The following ATP8A2 variants were observed in gnomAD, a reference collection of about 807,000 sequenced individuals.
ATP8A2 encodes phospholipid-transporting ATPase IB.
Under a neutral mutation model 165.6 loss-of-function variants are expected in ATP8A2, and 100 were observed. That is an observed-to-expected ratio of 0.60 (90% CI 0.51 to 0.71). The LOEUF (loss-of-function observed/expected upper bound fraction) is 0.71. ATP8A2 is among the 30% of genes least tolerant of loss of function. ATP8A2 has a pLI of 0.00. For missense variants in ATP8A2, 1,227 were observed against 1,479.5 expected, an observed-to-expected ratio of 0.83 and a Z score of 2.80; for synonymous variants, 543 against 548.8, an observed-to-expected ratio of 0.99 and a Z score of 0.15.
intron 25 of ATP8A2, among the ~76,000 whole-genome samples, chr13:25,703,214 G>T (rs2042987019): frequency 6.6e-6 from 1 of 152,024 alleles, no homozygotes; most frequent in South Asian, 2.1e-4. Context: ...CAAATAGCTG[G>T]GACTACAGGC....
intron 25 of ATP8A2, among the ~76,000 whole-genome samples, chr13:25,736,348 C>A (rs1411331620): frequency 6.6e-6 from 1 of 152,150 alleles, no homozygotes; most frequent in African/African-American, 2.4e-5. Context: ...TACTTTGTCA[C>A]AAATTTATGT....
intron 24 of ATP8A2, among the ~76,000 whole-genome samples, chr13:25,696,285 A>T (rs980055415): frequency 4.0e-5 from 6 of 151,896 alleles, no homozygotes; most frequent in Non-Finnish European, 7.4e-5. Context: ...TTTAGCATAA[A>T]TTTTCAGAAC....
intron 1 of ATP8A2, among the ~76,000 whole-genome samples, chr13:25,390,709 C>T (rs1218516707): frequency 6.6e-6 from 1 of 152,122 alleles, no homozygotes; most frequent in African/African-American, 2.4e-5. Context: ...CTGGGTGGAT[C>T]ATTTGAGGTC....
intron 25 of ATP8A2, among the ~76,000 whole-genome samples, chr13:25,735,540 C>T (rs1019994286): frequency 2.0e-5 from 3 of 151,370 alleles, no homozygotes; most frequent in African/African-American, 7.3e-5. Context: ...GGATTATAGG[C>T]GTGAACCTCC....
chr13:25,958,427 G>A (rs979152147), intron 33 of ATP8A2, among the ~76,000 whole-genome samples: 11 of 152,284 alleles, frequency 7.2e-5, no homozygotes, highest in African/African-American at 2.6e-4. Flanking sequence ...TGATCCGCAG[G>A]TGCATGGGTG....
In ATP8A2 at chr13:25,828,148, G is replaced by A; in HGVS notation, c.2710G>A (p.Gly904Arg). The change falls in exon 28 of 37, where the codon GGG (glycine) becomes AGG (arginine). Residue 904 changes from glycine to arginine, a missense_variant. Around this residue, in one of 5 missense-constraint regions of ATP8A2, gnomAD observed 592 missense variants for 785.6 expected, o/e 0.75. Transcript: ENST00000381655. ...LWFAFVNGFS[G>R]QILFERWCIG... is the part of the protein sequence containing the mutation. ...GTTCGCCTTTGTTAATGGATTTTCT[G>A]GGCAGATTTTATTTGAACGTTGGTG... The A allele has an allele frequency of 1.2e-6, 2 of 1,614,060 alleles. No homozygotes were observed. Among genetic ancestry groups the A allele is most frequent in the Non-Finnish European group, 1.7e-6 (2 of 1,179,940 alleles).
chr13:25,872,927 A>C (rs1952716183), intron 33 of ATP8A2, among the ~76,000 whole-genome samples: 1 of 152,068 alleles, frequency 6.6e-6, no homozygotes, highest in Non-Finnish European at 1.5e-5. Flanking sequence ...AAATCTCTGA[A>C]GTCCAGTGTG....
chr13:25,861,047 C>T (rs184650673), intron 32 of ATP8A2, among the ~76,000 whole-genome samples, 187 bp downstream of exon 32: 140 of 152,240 alleles, frequency 9.2e-4, no homozygotes, highest in African/African-American at 3.2e-3. Flanking sequence ...GATTCATTTG[C>T]TTGGCACGTA....
At position 25,629,942 on chromosome 13, in the gene ATP8A2, G is replaced by A. The variant is rs929619651; in HGVS notation, c.2211+40243G>A. On this transcript the variant is annotated intron_variant, in intron 24 of 36. Transcript: ENST00000381655. ...AGCCACAGTTTAATTTTATGGCAAA[G>A]TCAACGACTTTAGAGTTGCTGAAGT... Among the ~76,000 whole-genome samples, 11 of 152,212 alleles carry A rather than the reference G, an allele frequency of 7.2e-5. 1 individual carries two copies. The highest frequency in any genetic ancestry group is 5.2e-4 in the Admixed American group (8 of 15,280).
chr13:25,825,987 G>T (rs1398173867), intron 27 of ATP8A2, among the ~76,000 whole-genome samples: 1 of 152,164 alleles, frequency 6.6e-6, no homozygotes, highest in African/African-American at 2.4e-5. Context: ...CAAAGTCTCG[G>T]ACAGGAGGAA....
chr13:25,939,003 C>T (rs550692615), intron 33 of ATP8A2, among the ~76,000 whole-genome samples: 113 of 152,126 alleles, frequency 7.4e-4, no homozygotes, highest in Non-Finnish European at 1.3e-3. Context: ...CCACCACGCC[C>T]GGCTAATTGT....
At chr13:25,453,041 C>T (rs892827744) in intron 1 of ATP8A2, among the ~76,000 whole-genome samples, 20 of 152,120 alleles carry the variant, frequency 1.3e-4, no homozygotes, top group African/African-American at 4.8e-4. Context: ...GTTGCAGTAG[C>T]AGAGATCACA....
chr13:25,855,335 T>C (rs940680080), intron 30 of ATP8A2, among the ~76,000 whole-genome samples: 2 of 152,106 alleles, frequency 1.3e-5, no homozygotes, highest in African/African-American at 4.8e-5. Context: ...TCTGTCTCTG[T>C]AGATGTGCCC....
chr13:25,462,906 A>G (rs2035542022), intron 1 of ATP8A2, among the ~76,000 whole-genome samples: 1 of 152,150 alleles, frequency 6.6e-6, no homozygotes, highest in South Asian at 2.1e-4. Context: ...AAGACCAGAC[A>G]TATTATTGCA....
chr13:25,465,647 C>T (rs1280258743), intron 1 of ATP8A2, among the ~76,000 whole-genome samples: 1 of 149,400 alleles, frequency 6.7e-6, no homozygotes, highest in African/African-American at 2.5e-5. Flanking sequence ...CTCACCTCCC[C>T]AGAAATCTTG....
intron 35 of ATP8A2, among the ~76,000 whole-genome samples, chr13:26,003,899 C>T (rs940941899): frequency 1.3e-5 from 2 of 151,938 alleles, no homozygotes; most frequent in Admixed American, 6.6e-5. Flanking sequence ...ATGCCAGTAC[C>T]ATGCCATTTT....
intron 33 of ATP8A2, chr13:25,871,088 G>C: frequency 4.0e-6 from 1 of 252,742 alleles, no homozygotes; most frequent in Non-Finnish European, 7.9e-6. Context: ...TTAATTAGAG[G>C]CCCCGCGGCT....
rs55732375 is a variant in ATP8A2, at chr13:25,717,418, T to TAAAAAAAA, written c.2384+18084_2384+18091dup. Among the ~76,000 whole-genome samples the TAAAAAAAA allele has an allele frequency of 5.3e-3, 502 of 94,938 alleles. 6 individuals carry two copies. Among genetic ancestry groups the TAAAAAAAA allele is most frequent in the Admixed American group, 7.1e-3 (62 of 8,786 alleles). 62.3% of individuals were successfully genotyped at this position (94,938 alleles called of 152,430 possible). A position where few individuals can be genotyped will look rare whatever the true frequency, so the allele number is the denominator to read the frequency against. On this transcript the variant is annotated intron_variant, in intron 25 of 36. Coordinates refer to ENST00000381655, the MANE Select transcript of ATP8A2 (RefSeq NM_016529.6). ...TTATTCCATATGATCCTGAAAAAAC[T>TAAAAAAAA]AAAAAAAAAAAAAAAAAACACCAAG...
chr13:25,535,906 G>A (rs183988808), intron 6 of ATP8A2, among the ~76,000 whole-genome samples: 1 of 152,032 alleles, frequency 6.6e-6, no homozygotes, highest in Non-Finnish European at 1.5e-5. Context: ...CTTAGTACTT[G>A]GTTACTGGAA....
Sources: allele counts gnomAD v4.1 joint callset (sites outside exome capture counted in the v4.1 genomes callset), GRCh38; gene constraint gnomAD v4.1.1; regional missense constraint gnomAD v4.1.1; transcripts MANE v1.5; gene names NCBI Gene and HGNC (gene_info 2026-07-23, HGNC 2026-07-21).